Variants in TAS2R1 observed in about 807,000 individuals in gnomAD.
The protein encoded by TAS2R1 is taste receptor type 2 member 1.
For missense variants in TAS2R1, 370 were observed against 353.4 expected (o/e 1.05, Z -0.38); for synonymous variants, 141 against 134.2 (o/e 1.05, Z -0.35).
chr5:9,797,368 G>T, the TAS2R1 span, among the ~76,000 whole-genome samples: 1 of 152,154 alleles, frequency 6.6e-6, no homozygotes, highest in Non-Finnish European at 1.5e-5. Context: ...CCTCTCAGAG[G>T]CTGCTTTATA....
chr5:9,806,932 G>A, the TAS2R1 span, among the ~76,000 whole-genome samples: 1 of 152,078 alleles, frequency 6.6e-6, no homozygotes, highest in African/African-American at 2.4e-5. Context: ...CTTATGCACA[G>A]CAGAAGAAAT....
intron 1 of TAS2R1, among the ~76,000 whole-genome samples, chr5:9,675,130 T>G (rs551341949): frequency 1.5e-4 from 23 of 149,166 alleles, no homozygotes; most frequent in African/African-American, 5.4e-4. Context: ...ATATCTAATA[T>G]ATATATGTAA....
At chr5:9,749,788 C>T in the TAS2R1 span, among the ~76,000 whole-genome samples, 110,318 of 152,096 alleles carry the variant, frequency 0.73, 40,302 homozygotes, top group East Asian at 0.84. Context: ...AACTGATTTC[C>T]TGCTCATGCA....
At chr5:9,885,795 GTGTT>G in the TAS2R1 span, among the ~76,000 whole-genome samples, 2 of 152,074 alleles carry the variant, frequency 1.3e-5, no homozygotes, top group South Asian at 2.1e-4. Context: ...GAGAAGGAAA[GTGTT>G]TGTGTGATAA....
At chr5:9,802,291 T>C in the TAS2R1 span, among the ~76,000 whole-genome samples, 4 of 152,138 alleles carry the variant, frequency 2.6e-5, no homozygotes, top group Non-Finnish European at 4.4e-5. Flanking sequence ...CAGAGCTCAG[T>C]AGCTCCTCTG....
At chr5:9,886,414 A>G in the TAS2R1 span, among the ~76,000 whole-genome samples, 2 of 144,012 alleles carry the variant, frequency 1.4e-5, no homozygotes, top group African/African-American at 2.6e-5. Flanking sequence ...GGCTCACTGC[A>G]AACTCCACCT....
chr5:9,629,068 G>C lies in TAS2R1; in HGVS notation c.*65C>G. On this transcript the variant is annotated 3_prime_UTR_variant, in exon 1 of 1. Transcript: ENST00000382492. Reference sequence around the variant, plus strand: ...GAACAGGCTGCTTTGTCTGGCTGAGGGAAGTGTGGCAGGCATGGGTAAATC... The same window carrying C: ...GAACAGGCTGCTTTGTCTGGCTGAGCGAAGTGTGGCAGGCATGGGTAAATC... 1 of 1,467,552 alleles carries C rather than the reference G, an allele frequency of 6.8e-7. No individual in the cohort carries two copies. Among genetic ancestry groups the C allele is most frequent in the Non-Finnish European group, 9.1e-7 (1 of 1,101,892 alleles). 90.9% of individuals were successfully genotyped at this position (1,467,552 alleles called of 1,614,324 possible).
At chr5:9,889,358 A>G in the TAS2R1 span, among the ~76,000 whole-genome samples, 2 of 152,298 alleles carry the variant, frequency 1.3e-5, no homozygotes, top group East Asian at 3.9e-4. Context: ...GAGAGTCCCA[A>G]ATTCTGTGGA....
At chr5:9,754,502 C>A in the TAS2R1 span, among the ~76,000 whole-genome samples, 1 of 152,134 alleles carries the variant, frequency 6.6e-6, no homozygotes, top group Non-Finnish European at 1.5e-5. Flanking sequence ...CTAGAAAACC[C>A]CATCGTCTTA....
At chr5:9,866,153 C>A in the TAS2R1 span, among the ~76,000 whole-genome samples, 1 of 152,168 alleles carries the variant, frequency 6.6e-6, no homozygotes. Flanking sequence ...TTTACTAATT[C>A]TCTCTACTAC....
the TAS2R1 span, among the ~76,000 whole-genome samples, chr5:9,858,576 A>G: frequency 6.6e-6 from 1 of 152,254 alleles, no homozygotes; most frequent in Non-Finnish European, 1.5e-5. Flanking sequence ...TAAGTTCAAG[A>G]GCAGGATAAT....
chr5:9,691,068 T>C (rs1741241315), intron 1 of TAS2R1, among the ~76,000 whole-genome samples: 1 of 152,210 alleles, frequency 6.6e-6, no homozygotes, highest in African/African-American at 2.4e-5. Context: ...CACCGCCTAA[T>C]ATGCAAAGCC....
At chr5:9,662,073 T>C (rs1740548993) in intron 1 of TAS2R1, among the ~76,000 whole-genome samples, 1 of 152,112 alleles carries the variant, frequency 6.6e-6, no homozygotes, top group Admixed American at 6.5e-5. Context: ...TCAGCAGAAG[T>C]TGTGAAGCCT....
the TAS2R1 span, among the ~76,000 whole-genome samples, chr5:9,842,698 T>G: frequency 6.6e-6 from 1 of 152,180 alleles, no homozygotes; most frequent in East Asian, 1.9e-4. Context: ...TTTTACAAGT[T>G]TCTATCTCTG....
At chr5:9,795,840 T>C in the TAS2R1 span, among the ~76,000 whole-genome samples, 3 of 152,290 alleles carry the variant, frequency 2.0e-5, no homozygotes, top group Admixed American at 6.5e-5. Context: ...GTGTGACAAA[T>C]TTGGGGTAAG....
chr5:9,760,644 A>G, the TAS2R1 span, among the ~76,000 whole-genome samples: 1 of 152,216 alleles, frequency 6.6e-6, no homozygotes, highest in African/African-American at 2.4e-5. Context: ...TCTAACACCC[A>G]GTCATGATGA....
upstream of TAS2R1, among the ~76,000 whole-genome samples, chr5:9,633,294 T>TTATATATATATATATATATATATATA (rs200096603): frequency 0.012 from 810 of 67,108 alleles, 16 homozygotes; most frequent in Non-Finnish European, 0.016. Context: ...TGTGTGTATA[T>TTATATATATATATATATATATATATA]TATATATATA....
chr5:9,650,312 T>C (rs2126487713), intron 2 of TAS2R1, among the ~76,000 whole-genome samples: 1 of 152,180 alleles, frequency 6.6e-6, no homozygotes. Flanking sequence ...AACCAGCCTC[T>C]GCATTTGCCC....
chr5:9,829,018 T>C, the TAS2R1 span, among the ~76,000 whole-genome samples: 2 of 152,194 alleles, frequency 1.3e-5, no homozygotes, highest in Non-Finnish European at 2.9e-5. Flanking sequence ...TGCTGTGTTA[T>C]GAATACAGAG....
Sources: gnomAD v4.1 joint callset for allele counts (sites outside exome capture counted in the v4.1 genomes callset) on GRCh38, gnomAD v4.1.1 for gene constraint, MANE v1.5 for transcripts, NCBI Gene and HGNC (gene_info 2026-07-23, HGNC 2026-07-21) for gene names.